Variants in TMED10 observed in about 807,000 individuals in gnomAD.
TMED10 encodes the protein transmembrane emp24 domain-containing protein 10.
A neutral mutation model predicts 23.1 loss-of-function variants in TMED10; 7 were observed. That is an observed-to-expected ratio of 0.30 (90% CI 0.17 to 0.57). The LOEUF (loss-of-function observed/expected upper bound fraction) is 0.57. Among genes scored for constraint, TMED10 ranks in the 20% least tolerant of loss-of-function variants. The probability of loss-of-function intolerance (pLI) is 0.91; values close to 1 mark genes in which losing one functional copy is unlikely to be tolerated. For missense variants in TMED10, 162 were observed against 274.8 expected, an observed-to-expected ratio of 0.59 and a Z score of 2.90; for synonymous variants, 113 against 106.9, an observed-to-expected ratio of 1.06 and a Z score of -0.35.
chr14:75,149,201 G>A (rs972977895), intron 2 of TMED10, among the ~76,000 whole-genome samples: 31 of 152,258 alleles, frequency 2.0e-4, no homozygotes, highest in African/African-American at 7.5e-4. Context: ...ATAGGCATGA[G>A]CCACTGTGCC....
chr14:75,172,893 A>T (rs1022885860), intron 1 of TMED10, among the ~76,000 whole-genome samples: 3 of 149,244 alleles, frequency 2.0e-5, no homozygotes, highest in Non-Finnish European at 3.0e-5. Flanking sequence ...GGCTGGTGAA[A>T]TTTTTTTTTT....
At chr14:75,159,922 T>C (rs868486664) in intron 1 of TMED10, among the ~76,000 whole-genome samples, 8 of 152,230 alleles carry the variant, frequency 5.3e-5, no homozygotes, top group African/African-American at 1.9e-4. Flanking sequence ...TTCAAGAGGC[T>C]GAAGGCAAAG....
At chr14:75,160,999 G>C (rs569511529) in intron 1 of TMED10, among the ~76,000 whole-genome samples, 14 of 152,198 alleles carry the variant, frequency 9.2e-5, no homozygotes, top group African/African-American at 3.4e-4. Flanking sequence ...ACCCGAGATT[G>C]TGCCACTGCA....
In TMED10 at chr14:75,151,894, A is replaced by C. The variant is rs541173666; in HGVS notation, c.337+138T>G. On this transcript the variant is annotated intron_variant, in intron 2 of 4. Transcript: ENST00000303575. ...AGTCGACCTTTTAAAAGGTGCTCCA[A>C]AGACTACAAGGTAACAGGTCTCCAA... 24 of 729,938 alleles carry C rather than the reference A, an allele frequency of 3.3e-5. 2 individuals carry two copies. The South Asian group carries it at 5.2e-4, about 16-fold the overall frequency. The allele number at this position is 729,938 out of a possible 1,614,324, so 45.2% of individuals were successfully genotyped here.
At chr14:75,154,401 C>CGAAAAAAAAAAAAAAAAA (rs1246155366) in intron 1 of TMED10, among the ~76,000 whole-genome samples, 1 of 15,252 alleles carries the variant, frequency 6.6e-5, no homozygotes, top group African/African-American at 2.4e-4. Context: ...GACTCTGTCT[C>CGAAAAAAAAAAAAAAAAA]AAAAAAAAAA....
rs7150070 is a variant in TMED10, at chr14:75,147,852, A to G, written c.338-115T>C. 4,046 of 930,944 alleles carry G rather than the reference A, an allele frequency of 4.3e-3. 128 individuals are homozygous for G. The African/African-American group carries it at 0.064, about 15-fold the overall frequency. The allele number at this position is 930,944 out of a possible 1,614,324, so 57.7% of individuals were successfully genotyped here. ...CCCTACCCTCTCAATAGAGGGAAAC[A>G]GCCACAACTCCTCCCCCTGCTCAGT... On this transcript the variant is annotated intron_variant, in intron 2 of 4. Transcript: ENST00000303575.
rs532752723 is a variant in TMED10 at position 75,167,478 on chromosome 14, T to C, written c.225+8877A>G. On this transcript the variant is annotated intron_variant, in intron 1 of 4. Transcript: ENST00000303575. ...TCTCCTTCCTCCTCCCTCTCCTCTCTGTCCTCATGCCTGGCCTATAGTATC... is the reference window on the plus strand; with the variant it reads ...TCTCCTTCCTCCTCCCTCTCCTCTCCGTCCTCATGCCTGGCCTATAGTATC... Among the ~76,000 whole-genome samples the C allele has an allele frequency of 2.1e-5, 3 of 143,970 alleles. No homozygotes were observed. The South Asian group carries it at 7.2e-4, about 35-fold the overall frequency. 94.4% of individuals were successfully genotyped at this position (143,970 alleles called of 152,430 possible).
chr14:75,165,352 C>T (rs1284085692), intron 1 of TMED10, among the ~76,000 whole-genome samples: 4 of 152,084 alleles, frequency 2.6e-5, no homozygotes, highest in African/African-American at 7.2e-5. Flanking sequence ...CTCAGCCTCC[C>T]GAGTAGCTGG....
intron 1 of TMED10, among the ~76,000 whole-genome samples, chr14:75,162,443 A>G (rs1896096512): frequency 6.6e-6 from 1 of 152,216 alleles, no homozygotes; most frequent in African/African-American, 2.4e-5. Context: ...ACACTTACAT[A>G]TAAATGATTG....
At chr14:75,157,572 C>T (rs1896033956) in intron 1 of TMED10, among the ~76,000 whole-genome samples, 1 of 152,036 alleles carries the variant, frequency 6.6e-6, no homozygotes. Context: ...ACTGCTTGAT[C>T]CCATGAGGTC....
chr14:75,176,493 G>C lies in TMED10; in HGVS notation c.87C>G (p.Val29=). ...TGGGCAGATGGAAGGAGATGGCAAG[G>C]ACCAATCTGGGGCCGAGCAGGAACA... The part of the protein sequence containing the change: ...LLLFLLGPRL[V]LAISFHLPIN... Residue 29 remains valine, a synonymous_variant, in exon 1 of 5, where the codon GTC becomes GTG. Coordinates refer to ENST00000303575, the MANE Select transcript of TMED10 (RefSeq NM_006827.6). 1 of 1,614,198 alleles carries C rather than the reference G, an allele frequency of 6.2e-7. No homozygotes were observed. The highest frequency in any genetic ancestry group is 8.5e-7 in the Non-Finnish European group (1 of 1,180,034).
At chr14:75,166,659 G>A (rs758021837) in intron 1 of TMED10, among the ~76,000 whole-genome samples, 41 of 152,146 alleles carry the variant, frequency 2.7e-4, no homozygotes, top group Non-Finnish European at 4.1e-4. Context: ...GGAGAAGGAC[G>A]CAAAGGTCAA....
chr14:75,143,127 G>C (rs1895843035), intron 3 of TMED10, among the ~76,000 whole-genome samples: 1 of 152,102 alleles, frequency 6.6e-6, no homozygotes, highest in Admixed American at 6.5e-5. Flanking sequence ...CCAAAGTGCT[G>C]GGATTACAGG....
chr14:75,174,426 G>C (rs1357723671), intron 1 of TMED10, among the ~76,000 whole-genome samples: 2 of 152,008 alleles, frequency 1.3e-5, no homozygotes, highest in Non-Finnish European at 2.9e-5. Flanking sequence ...GAACAAATCA[G>C]ACAGCAACAC....
intron 1 of TMED10, chr14:75,175,968 T>C (rs1208695395): frequency 1.4e-5 from 4 of 281,130 alleles, no homozygotes; most frequent in Non-Finnish European, 2.8e-5. Context: ...CTGTCTCCTT[T>C]ACTTTCCTGC....
Position 75,132,926 on chromosome 14 carries a change from AGTC to A in TMED10, c.*1956_*1958del, listed in dbSNP as rs1211020330. ...CTTGGGAGATGTGGGAAAGATTTCAAGTCACAGCATTTTTCATAACTGTTTATA... is the reference window on the plus strand; with the variant it reads ...CTTGGGAGATGTGGGAAAGATTTCAAACAGCATTTTTCATAACTGTTTATA... On this transcript the variant is annotated 3_prime_UTR_variant, in exon 5 of 5. Coordinates refer to ENST00000303575, the MANE Select transcript of TMED10 (RefSeq NM_006827.6). 1.3e-5 allele frequency: 2 copies of A among 152,444 alleles called. No homozygotes were observed. Among genetic ancestry groups the A allele is most frequent in the Admixed American group, 1.3e-4 (2 of 15,284 alleles). 9.4% of individuals were successfully genotyped at this position (152,444 alleles called of 1,614,324 possible).
At chr14:75,156,529 C>T (rs1487777660) in intron 1 of TMED10, among the ~76,000 whole-genome samples, 2 of 152,080 alleles carry the variant, frequency 1.3e-5, no homozygotes, top group Non-Finnish European at 2.9e-5. Flanking sequence ...ATAGGAAAAG[C>T]CAATGACTGC....
At chr14:75,140,477 G>T (rs1377210671) in intron 3 of TMED10, among the ~76,000 whole-genome samples, 1 of 152,082 alleles carries the variant, frequency 6.6e-6, no homozygotes, top group Non-Finnish European at 1.5e-5. Flanking sequence ...GGAGGCTGAA[G>T]CGGATGGATC....
At chr14:75,155,406 G>T (rs1206733301) in intron 1 of TMED10, among the ~76,000 whole-genome samples, 2 of 152,166 alleles carry the variant, frequency 1.3e-5, no homozygotes, top group African/African-American at 4.8e-5. Flanking sequence ...TAGTGGTTTT[G>T]GTTTGCATTT....
Sources: allele counts gnomAD v4.1 joint callset (sites outside exome capture counted in the v4.1 genomes callset), GRCh38; gene constraint gnomAD v4.1.1; transcripts MANE v1.5; gene names NCBI Gene and HGNC (gene_info 2026-07-23, HGNC 2026-07-21).